The following SCAPER variants were observed in gnomAD, a reference collection of about 807,000 sequenced individuals.
SCAPER encodes the protein S-phase cyclin A associated protein in the ER.
In SCAPER, 98 loss-of-function variants were observed where a neutral mutation model predicts 182.2. The observed-to-expected ratio is 0.54, with a 90% confidence interval of 0.46 to 0.64. SCAPER has a LOEUF of 0.64. Among genes scored for constraint, SCAPER ranks in the 30% least tolerant of loss-of-function variants. The pLI, the probability that SCAPER is intolerant of heterozygous loss-of-function variation, is 0.00. For missense variants in SCAPER, 1,432 were observed against 1,690.0 expected (o/e 0.85, Z 2.68); for synonymous variants, 605 against 564.6 (o/e 1.07, Z -1.01).
intron 22 of SCAPER, among the ~76,000 whole-genome samples, chr15:76,581,378 T>G (rs907333233): frequency 6.6e-6 from 1 of 152,068 alleles, no homozygotes; most frequent in Non-Finnish European, 1.5e-5. Context: ...TAGGTCAATA[T>G]CCCTGATGAA....
chr15:76,630,672 A>C (rs1343845224), intron 21 of SCAPER, among the ~76,000 whole-genome samples: 11 of 151,956 alleles, frequency 7.2e-5, no homozygotes, highest in Non-Finnish European at 1.5e-5. Flanking sequence ...GACCGTTATT[A>C]TTTCAGTTCT....
intron 25 of SCAPER, among the ~76,000 whole-genome samples, chr15:76,451,484 G>A (rs545791068): frequency 6.6e-6 from 1 of 152,274 alleles, no homozygotes; most frequent in African/African-American, 2.4e-5. Flanking sequence ...ATATTGTCAA[G>A]GCTTAAGAGA....
chr15:76,423,393 T>C (rs1463683517), intron 26 of SCAPER, among the ~76,000 whole-genome samples: 1 of 152,240 alleles, frequency 6.6e-6, no homozygotes, highest in African/African-American at 2.4e-5. Context: ...CTAGATTTTC[T>C]AGTTTATTTG....
At chr15:76,429,760 G>C (rs573073411) in intron 26 of SCAPER, among the ~76,000 whole-genome samples, 1 of 152,164 alleles carries the variant, frequency 6.6e-6, no homozygotes, top group Non-Finnish European at 1.5e-5. Context: ...CTGACTACGC[G>C]ATAGAAAAGA....
In SCAPER at chr15:76,800,369, G is replaced by A. The variant is rs374493427; in HGVS notation, c.495-5C>T. On this transcript the variant is annotated splice_region_variant and splice_polypyrimidine_tract_variant and intron_variant, in intron 6 of 31. Transcript: ENST00000563290. ...TCCCATGCCAATGATGTTGGTCTGC[G>A]AATTCAATATATAAACCAGATTAAA... 3.4e-5 allele frequency: 52 copies of A among 1,545,458 alleles called. No homozygotes were observed. The highest frequency in any genetic ancestry group is 1.2e-4 in the South Asian group (11 of 89,164).
intron 17 of SCAPER, among the ~76,000 whole-genome samples, chr15:76,714,637 G>A (rs998502138): frequency 6.6e-6 from 1 of 152,122 alleles, no homozygotes; most frequent in East Asian, 1.9e-4. Flanking sequence ...CTCTTTCTTG[G>A]CCAGGTAGTC....
chr15:76,366,027 C>T (rs568586829), intron 29 of SCAPER, among the ~76,000 whole-genome samples: 2 of 151,864 alleles, frequency 1.3e-5, no homozygotes, highest in South Asian at 2.1e-4. Context: ...TCAATGAGTA[C>T]CTATCCTGAT....
chr15:76,727,905 T>C (rs553690131), intron 17 of SCAPER, among the ~76,000 whole-genome samples: 1 of 152,116 alleles, frequency 6.6e-6, no homozygotes, highest in African/African-American at 2.4e-5. Context: ...ATAGGCACTT[T>C]GCATAAAAAA....
intron 5 of SCAPER, among the ~76,000 whole-genome samples, chr15:76,818,889 A>AAT (rs1272663923): frequency 2.0e-5 from 3 of 152,252 alleles, no homozygotes; most frequent in Non-Finnish European, 4.4e-5. Context: ...ATCCCACGCT[A>AAT]ATACTGTGCT....
chr15:76,677,869 G>T (rs541684487), intron 20 of SCAPER, among the ~76,000 whole-genome samples: 31 of 151,524 alleles, frequency 2.0e-4, no homozygotes, highest in African/African-American at 7.5e-4. Flanking sequence ...GAGACATGGG[G>T]AAAAAAACTG....
At chr15:76,536,961 T>C (rs1414340809) in intron 23 of SCAPER, among the ~76,000 whole-genome samples, 1 of 151,900 alleles carries the variant, frequency 6.6e-6, no homozygotes, top group Non-Finnish European at 1.5e-5. Context: ...TGAACTCCCA[T>C]TCACAACTGC....
At chr15:76,420,815 C>T (rs1335636246) in intron 26 of SCAPER, among the ~76,000 whole-genome samples, 5 of 152,178 alleles carry the variant, frequency 3.3e-5, no homozygotes, top group Admixed American at 3.3e-4. Context: ...GTTCCCCTTC[C>T]TGTGTCCAAG....
At chr15:76,489,413 C>T (rs1385741612) in intron 24 of SCAPER, among the ~76,000 whole-genome samples, 2 of 151,582 alleles carry the variant, frequency 1.3e-5, no homozygotes, top group South Asian at 4.2e-4. Flanking sequence ...AGATCTACCA[C>T]CTCCCTAAAT....
rs191608543 is a variant in SCAPER at position 76,598,961 on chromosome 15, G to C, written c.2711+22803C>G. Among the ~76,000 whole-genome samples, 22 of 117,280 alleles carry C rather than the reference G, an allele frequency of 1.9e-4. 2 individuals are homozygous for C. The highest frequency in any genetic ancestry group is 4.9e-4 in the African/African-American group (19 of 38,880). 76.9% of individuals were successfully genotyped at this position (117,280 alleles called of 152,430 possible). A position where few individuals can be genotyped will look rare whatever the true frequency, so the allele number is the denominator to read the frequency against. On this transcript the variant is annotated intron_variant, in intron 22 of 31. Transcript: ENST00000563290. ...ATTAAAAAAAAAAAACTTTTGCCAG[G>C]ACCCAGTTTCTAGCGGTAATAAAAT...
intron 17 of SCAPER, among the ~76,000 whole-genome samples, chr15:76,720,041 T>G (rs921613689): frequency 2.0e-5 from 3 of 151,912 alleles, no homozygotes; most frequent in Admixed American, 1.3e-4. Flanking sequence ...AACTCATCAT[T>G]TAGCATTAGG....
chr15:76,635,474 T>C (rs2053514263), intron 21 of SCAPER, among the ~76,000 whole-genome samples: 1 of 152,228 alleles, frequency 6.6e-6, no homozygotes. Flanking sequence ...ACAACATTAT[T>C]TGAGGACGTG....
At chr15:76,595,833 T>C (rs1348197733) in intron 22 of SCAPER, among the ~76,000 whole-genome samples, 1 of 122,244 alleles carries the variant, frequency 8.2e-6, no homozygotes, top group African/African-American at 2.5e-5. Context: ...GGGAAATTTA[T>C]AGCACTAAAT....
intron 24 of SCAPER, among the ~76,000 whole-genome samples, chr15:76,476,008 C>T (rs567708057): frequency 6.6e-5 from 10 of 152,192 alleles, no homozygotes; most frequent in Non-Finnish European, 1.0e-4. Flanking sequence ...AGAGACAATC[C>T]GAGCATGGAA....
chr15:76,721,384 G>T (rs1052779711), intron 17 of SCAPER, among the ~76,000 whole-genome samples: 1 of 151,764 alleles, frequency 6.6e-6, no homozygotes, highest in South Asian at 2.1e-4. Context: ...TGTTCTTTTG[G>T]CTTAGGATTG....
Sources: gnomAD v4.1 joint callset for allele counts (sites outside exome capture counted in the v4.1 genomes callset) on GRCh38, gnomAD v4.1.1 for gene constraint, MANE v1.5 for transcripts, NCBI Gene and HGNC (gene_info 2026-07-23, HGNC 2026-07-21) for gene names.